The following MAGI2 variants were observed in gnomAD, a reference collection of about 807,000 sequenced individuals.
MAGI2 encodes the protein membrane associated guanylate kinase, WW and PDZ domain containing 2.
Under a neutral mutation model 133.3 loss-of-function variants are expected in MAGI2, and 35 were observed. That is an observed-to-expected ratio of 0.26 (90% CI 0.20 to 0.35). The LOEUF is 0.35. Ranked by LOEUF, MAGI2 falls within the 10% of genes least tolerant of loss-of-function variation. The pLI is 1.00. For missense variants in MAGI2, 1,636 were observed against 1,863.4 expected, an observed-to-expected ratio of 0.88 and a Z score of 2.25; for synonymous variants, 729 against 710.6, an observed-to-expected ratio of 1.03 and a Z score of -0.41.
intron 2 of MAGI2, among the ~76,000 whole-genome samples, chr7:78,810,071 T>C (rs554590274): frequency 6.6e-6 from 1 of 152,328 alleles, no homozygotes; most frequent in East Asian, 1.9e-4. Flanking sequence ...TTGAAAGATA[T>C]GTAAGAAACA....
intron 1 of MAGI2, among the ~76,000 whole-genome samples, chr7:79,325,177 C>T (rs1455370359): frequency 6.6e-6 from 1 of 152,138 alleles, no homozygotes; most frequent in African/African-American, 2.4e-5. Flanking sequence ...GTCCATCCAA[C>T]ATCCTTGACC....
chr7:79,182,785 T>C (rs1352076826), intron 1 of MAGI2, among the ~76,000 whole-genome samples: 1 of 151,926 alleles, frequency 6.6e-6, no homozygotes, highest in Non-Finnish European at 1.5e-5. Context: ...TCAATATCAA[T>C]TTAAATGTCC....
intron 1 of MAGI2, among the ~76,000 whole-genome samples, chr7:79,136,027 A>C (rs551451093): frequency 8.1e-6 from 1 of 123,016 alleles, no homozygotes; most frequent in Non-Finnish European, 1.6e-5. Context: ...GAAAGAAAGA[A>C]GGAAAGAAAG....
At chr7:78,066,454 T>A (rs1813834747) in intron 21 of MAGI2, among the ~76,000 whole-genome samples, 1 of 110,128 alleles carries the variant, frequency 9.1e-6, no homozygotes, top group African/African-American at 2.9e-5. Flanking sequence ...AGAATGAGAC[T>A]CTGTCTTAAA....
At chr7:78,287,785 T>TA (rs1041694128) in intron 9 of MAGI2, among the ~76,000 whole-genome samples, 44 of 152,330 alleles carry the variant, frequency 2.9e-4, no homozygotes, top group Non-Finnish European at 4.3e-4. Context: ...GTTTTTCTTT[T>TA]TTCCTACAGA....
chr7:78,503,696 C>T (rs1320033753), intron 4 of MAGI2, among the ~76,000 whole-genome samples: 3 of 145,512 alleles, frequency 2.1e-5, no homozygotes, highest in African/African-American at 7.7e-5. Flanking sequence ...TCCTCTCCTC[C>T]CTCATTCTTC....
intron 1 of MAGI2, among the ~76,000 whole-genome samples, chr7:79,333,216 G>A (rs540180124): frequency 1.9e-3 from 285 of 151,970 alleles, no homozygotes; most frequent in African/African-American, 6.5e-3. Flanking sequence ...CTCCACCCCC[G>A]GTCCCAGTTC....
chr7:78,647,808 A>C (rs1015910221), intron 2 of MAGI2, among the ~76,000 whole-genome samples: 2 of 152,308 alleles, frequency 1.3e-5, no homozygotes, highest in South Asian at 2.1e-4. Flanking sequence ...ATGGAATACT[A>C]TGCAGCCATA....
intron 10 of MAGI2, chr7:78,255,169 G>GTGCTT (rs1792839201): frequency 6.6e-6 from 1 of 152,406 alleles, no homozygotes; most frequent in Admixed American, 6.5e-5. Flanking sequence ...AAGGGGCCCT[G>GTGCTT]TGCTTTACCC....
intron 2 of MAGI2, among the ~76,000 whole-genome samples, chr7:78,815,694 G>A (rs1217771007): frequency 1.3e-5 from 2 of 152,084 alleles, no homozygotes; most frequent in African/African-American, 4.8e-5. Flanking sequence ...GAGTTTTGAT[G>A]TTACTATTGT....
intron 3 of MAGI2, among the ~76,000 whole-genome samples, chr7:78,612,597 G>A (rs967634316): frequency 6.6e-6 from 1 of 152,152 alleles, no homozygotes; most frequent in African/African-American, 2.4e-5. Flanking sequence ...AATGACAAGG[G>A]AGGCCTGGTC....
chr7:79,422,504 A>G (rs1285539007), intron 1 of MAGI2, among the ~76,000 whole-genome samples: 3 of 152,060 alleles, frequency 2.0e-5, no homozygotes, highest in Non-Finnish European at 4.4e-5. Flanking sequence ...TGTCAGAAAT[A>G]TACATTTTCC....
At chr7:79,107,242 A>G (rs954890067) in intron 1 of MAGI2, among the ~76,000 whole-genome samples, 4 of 152,290 alleles carry the variant, frequency 2.6e-5, no homozygotes, top group African/African-American at 9.6e-5. Context: ...AATGAACTCA[A>G]ATCTCCATTG....
In MAGI2 at chr7:79,186,224, ATATATATATATATATATATTTATATT is replaced by A. The variant is rs1379486414; in HGVS notation, c.302-179044_302-179019del. On this transcript the variant is annotated intron_variant, in intron 1 of 21. Coordinates refer to ENST00000354212, the MANE Select transcript of MAGI2 (RefSeq NM_012301.4). ...TATATATATATATATATATATATAT[ATATATATATATATATATATTTATATT>A]TATTTATTTATAAACTACATACATT... Among the ~76,000 whole-genome samples the A allele has an allele frequency of 3.0e-4, 32 of 106,990 alleles. 1 individual carries two copies. In the South Asian group the frequency reaches 9.9e-3, roughly 33 times the overall value. 70.2% of individuals were successfully genotyped at this position (106,990 alleles called of 152,430 possible).
At chr7:78,129,935 CAA>C (rs61675652) in intron 18 of MAGI2, among the ~76,000 whole-genome samples, 66 of 57,150 alleles carry the variant, frequency 1.2e-3, no homozygotes, top group African/African-American at 2.4e-3. Context: ...AACTCCGCCT[CAA>C]AAAAAAAAAA....
intron 2 of MAGI2, among the ~76,000 whole-genome samples, chr7:78,740,024 G>A (rs1012812273): frequency 3.3e-5 from 5 of 152,252 alleles, no homozygotes; most frequent in African/African-American, 1.2e-4. Flanking sequence ...AGCTGGGCGT[G>A]GTGGCGGGCG....
At chr7:78,925,287 T>A (rs1799608343) in intron 2 of MAGI2, among the ~76,000 whole-genome samples, 1 of 152,056 alleles carries the variant, frequency 6.6e-6, no homozygotes, top group Admixed American at 6.6e-5. Context: ...GATATAAAGG[T>A]AAATGATTTC....
chr7:79,252,915 GA>G (rs1447182591), intron 1 of MAGI2, among the ~76,000 whole-genome samples: 1 of 152,104 alleles, frequency 6.6e-6, no homozygotes. Flanking sequence ...CATATTAATA[GA>G]AAATCTACTT....
chr7:78,188,064 C>A (rs1827860293), intron 12 of MAGI2, among the ~76,000 whole-genome samples: 1 of 152,100 alleles, frequency 6.6e-6, no homozygotes, highest in Non-Finnish European at 1.5e-5. Flanking sequence ...TTTATCAGCT[C>A]TAGGATTGGA....
Sources: allele counts gnomAD v4.1 joint callset (sites outside exome capture counted in the v4.1 genomes callset), GRCh38; gene constraint gnomAD v4.1.1; transcripts MANE v1.5; gene names NCBI Gene and HGNC (gene_info 2026-07-23, HGNC 2026-07-21).